The following AGBL1 variants were observed in gnomAD, a reference collection of about 807,000 sequenced individuals.
The protein encoded by AGBL1 is AGBL carboxypeptidase 1.
AGBL1 carries 130 observed loss-of-function variants against 118.9 expected under a neutral mutation model. The observed-to-expected ratio is 1.09, with a 90% CI of 0.95 to 1.26. The LOEUF is 1.26. AGBL1 is among the 50% of genes most tolerant of loss of function. AGBL1 has a pLI of 0.00. For synonymous variants in AGBL1, 555 were observed against 478.9 expected (o/e 1.16, Z -2.08); for missense variants, 1,584 against 1,298.1 (o/e 1.22, Z -3.38).
chr15:86,968,402 A>G (rs2081075253), intron 23 of AGBL1, among the ~76,000 whole-genome samples: 1 of 151,974 alleles, frequency 6.6e-6, no homozygotes, highest in Non-Finnish European at 1.5e-5. Context: ...GGCTTCAAAC[A>G]TTAAGCTTTG....
intron 21 of AGBL1, among the ~76,000 whole-genome samples, chr15:86,626,105 C>T (rs190266578): frequency 1.1e-4 from 16 of 152,252 alleles, no homozygotes; most frequent in African/African-American, 3.9e-4. Flanking sequence ...GTAGCAATTC[C>T]TCAAAGTCCT....
chr15:87,006,468 C>T (rs566859103), intron 24 of AGBL1, among the ~76,000 whole-genome samples: 78 of 152,258 alleles, frequency 5.1e-4, no homozygotes, highest in African/African-American at 1.5e-3. Flanking sequence ...AGTGAGGCTC[C>T]GTGGGCATGG....
intron 18 of AGBL1, among the ~76,000 whole-genome samples, chr15:86,421,760 T>A (rs2081793638): frequency 6.6e-6 from 1 of 152,116 alleles, no homozygotes; most frequent in Admixed American, 6.6e-5. Flanking sequence ...GAGGAAGATT[T>A]AGCAAGCAAA....
Position 86,302,275 on chromosome 15 carries a change from T to C in AGBL1, c.2374+6867T>C, listed in dbSNP as rs540062989. 7.9e-5 allele frequency among the ~76,000 whole-genome samples: 12 copies of C among 152,292 alleles called. No individual in the cohort carries two copies. In the East Asian group the frequency reaches 1.9e-3, roughly 24 times the overall value. ...TATTCTTATACAGTTTTACATAATATCATTTGGTTCTTATAATTATCTTAT... is the reference window on the plus strand; with the variant it reads ...TATTCTTATACAGTTTTACATAATACCATTTGGTTCTTATAATTATCTTAT... On this transcript the variant is annotated intron_variant, in intron 17 of 22. Transcript: ENST00000614907.
At chr15:86,238,664 C>T (rs2078593534) in intron 6 of AGBL1, among the ~76,000 whole-genome samples, 1 of 152,164 alleles carries the variant, frequency 6.6e-6, no homozygotes, top group African/African-American at 2.4e-5. Flanking sequence ...TGGTAAGAAG[C>T]ACCTTAATTT....
chr15:86,917,693 G>A (rs2080441218), downstream of AGBL1, among the ~76,000 whole-genome samples: 1 of 152,112 alleles, frequency 6.6e-6, no homozygotes, highest in African/African-American at 2.4e-5. The surrounding 1 kb of genome is among the most constrained non-coding windows in gnomAD (Gnocchi z 4.8). Flanking sequence ...CAAATGTCGG[G>A]GTGAGGGATG....
At chr15:86,349,783 G>GT (rs1312369000) in intron 17 of AGBL1, among the ~76,000 whole-genome samples, 2 of 152,178 alleles carry the variant, frequency 1.3e-5, no homozygotes, top group African/African-American at 4.8e-5. Flanking sequence ...CAGCAAAGAA[G>GT]TTCTGAAGTG....
chr15:86,257,863 G>C, intron 8 of AGBL1, 101 bp from the exon 9 acceptor site: 1 of 1,117,738 alleles, frequency 8.9e-7, no homozygotes, highest in Non-Finnish European at 1.3e-6. Flanking sequence ...CCCCTTATTT[G>C]AGAGAGGAAG....
intron 5 of AGBL1, among the ~76,000 whole-genome samples, chr15:86,219,899 C>G (rs990424012): frequency 6.8e-6 from 1 of 147,172 alleles, no homozygotes; most frequent in African/African-American, 2.5e-5. Flanking sequence ...TTTAGGATCA[C>G]TAGATTTAAA....
intron 24 of AGBL1, among the ~76,000 whole-genome samples, chr15:87,010,028 G>A (rs1036150328): frequency 6.6e-6 from 1 of 152,084 alleles, no homozygotes; most frequent in Non-Finnish European, 1.5e-5. Flanking sequence ...AAGATTTTGG[G>A]GGACTGTTGG....
intron 22 of AGBL1, among the ~76,000 whole-genome samples, chr15:86,760,717 C>T (rs1031985165): frequency 5.3e-5 from 8 of 152,216 alleles, no homozygotes; most frequent in Non-Finnish European, 1.0e-4. Context: ...TGAAAGACAG[C>T]TCTTTCTTTT....
In AGBL1 at chr15:86,244,444, C is replaced by T. The variant is rs79814158; in HGVS notation, c.527-3227C>T. On this transcript the variant is annotated intron_variant, in intron 6 of 22. Coordinates refer to ENST00000614907, the MANE Select transcript of AGBL1 (RefSeq NM_001386094.1). ...TCTTTCTCAGTTTGATGAATCTCCT[C>T]TTGTCGCATTTTAGATACGTATTGA... 5.6e-4 allele frequency among the ~76,000 whole-genome samples: 85 copies of T among 152,294 alleles called. 1 individual carries two copies. The East Asian group carries it at 0.014, about 26-fold the overall frequency.
intron 21 of AGBL1, among the ~76,000 whole-genome samples, chr15:86,652,907 G>A (rs1319482897): frequency 2.6e-5 from 4 of 152,088 alleles, no homozygotes; most frequent in Non-Finnish European, 5.9e-5. Context: ...GATGCAATGG[G>A]CATCAAATGA....
intron 22 of AGBL1, among the ~76,000 whole-genome samples, chr15:86,896,564 A>T (rs1001965184): frequency 6.6e-6 from 1 of 152,136 alleles, no homozygotes. Flanking sequence ...CCCTTCTGGT[A>T]GTTAGGTTTT....
intron 1 of AGBL1, among the ~76,000 whole-genome samples, chr15:86,138,725 T>A (rs1276014765): frequency 6.6e-6 from 1 of 152,216 alleles, no homozygotes; most frequent in African/African-American, 2.4e-5. Context: ...CTTATTTTCC[T>A]TTTCCTTGCT....
intron 21 of AGBL1, among the ~76,000 whole-genome samples, chr15:86,640,157 C>G (rs1475211403): frequency 6.6e-6 from 1 of 152,124 alleles, no homozygotes; most frequent in Non-Finnish European, 1.5e-5. Context: ...CAAAAATAGG[C>G]TTTTTCCTAG....
chr15:87,006,498 G>A lies in AGBL1; in HGVS notation c.3323+18410G>A, dbSNP rs532043028. On this transcript the variant is annotated intron_variant, in intron 24 of 24. Transcript: ENST00000441037. ...GCATGGTACCCTCCGAGCCAGGCAC[G>A]GGGTATAATCTCCTGGTGTGCTGTT... 5.9e-5 allele frequency among the ~76,000 whole-genome samples: 9 copies of A among 152,288 alleles called. No individual in the cohort carries two copies. The South Asian group carries it at 8.3e-4, about 14-fold the overall frequency.
rs769084734 is a variant in AGBL1 at position 86,335,379 on chromosome 15, C to T, written c.2374+39971C>T. Among the ~76,000 whole-genome samples the T allele has an allele frequency of 7.9e-5, 12 of 152,212 alleles. No individual in the cohort carries two copies. In the East Asian group the frequency reaches 9.7e-4, roughly 12 times the overall value. On this transcript the variant is annotated intron_variant, in intron 17 of 22. Transcript: ENST00000614907. ...GGTCTCGATCTCTTGACCTTGTGATCCACCCACCTTGGCCTCCTAAAGTGC... is the reference window on the plus strand; with the variant it reads ...GGTCTCGATCTCTTGACCTTGTGATTCACCCACCTTGGCCTCCTAAAGTGC...
chr15:86,394,856 T>A (rs2081339654), intron 17 of AGBL1, among the ~76,000 whole-genome samples: 1 of 152,170 alleles, frequency 6.6e-6, no homozygotes, highest in South Asian at 2.1e-4. Flanking sequence ...AACACTTAAA[T>A]GTCACTGGAC....
Sources: allele counts gnomAD v4.1 joint callset (sites outside exome capture counted in the v4.1 genomes callset), GRCh38; gene constraint gnomAD v4.1.1; non-coding constraint Gnocchi (gnomAD v3.1); transcripts MANE v1.5; gene names NCBI Gene and HGNC (gene_info 2026-07-23, HGNC 2026-07-21).